Variants in DAB1 observed in about 807,000 individuals in gnomAD.
DAB1 encodes the protein DAB adaptor protein 1.
DAB1 carries 15 observed loss-of-function variants against 64.6 expected under a neutral mutation model. The observed-to-expected ratio is 0.23, with a 90% CI of 0.16 to 0.36. DAB1 has a LOEUF of 0.36. Ranked by LOEUF, DAB1 falls within the 10% of genes least tolerant of loss-of-function variation. The pLI is 1.00. For missense variants in DAB1, 596 were observed against 706.7 expected, an observed-to-expected ratio of 0.84 and a Z score of 1.78; for synonymous variants, 235 against 251.9, an observed-to-expected ratio of 0.93 and a Z score of 0.64.
At chr1:57,677,073 A>G (rs1481297349) in intron 6 of DAB1, among the ~76,000 whole-genome samples, 1 of 152,174 alleles carries the variant, frequency 6.6e-6, no homozygotes, top group African/African-American at 2.4e-5. Flanking sequence ...GGAGATAGGA[A>G]CAGTGTCCTT....
chr1:57,007,684 A>C (rs1222487421), intron 14 of DAB1, among the ~76,000 whole-genome samples: 1 of 152,176 alleles, frequency 6.6e-6, no homozygotes, highest in Non-Finnish European at 1.5e-5. Context: ...CTTACTCAGA[A>C]CTGTGCAGGT....
chr1:58,278,241 C>CTGAAAGAGAAGTTGATTTGT (rs1557721067), intron 4 of DAB1, among the ~76,000 whole-genome samples: 2 of 43,384 alleles, frequency 4.6e-5, no homozygotes, highest in Non-Finnish European at 1.1e-4. Context: ...CTCCTACACA[C>CTGAAAGAGAAGTTGATTTGT]GCATACTGTC....
chr1:57,859,336 C>A (rs1488734210), intron 1 of DAB1, among the ~76,000 whole-genome samples: 2 of 152,092 alleles, frequency 1.3e-5, no homozygotes, highest in Admixed American at 6.6e-5. Context: ...ATCCCTCTGA[C>A]TATATGTTAT....
At chr1:57,037,955 C>T (rs532838581) in intron 9 of DAB1, among the ~76,000 whole-genome samples, 76 of 152,324 alleles carry the variant, frequency 5.0e-4, no homozygotes, top group Admixed American at 1.5e-3. Context: ...TCAGTAGATA[C>T]ATGCACACTT....
At chr1:57,523,924 CAA>C (rs202023900) in intron 7 of DAB1, among the ~76,000 whole-genome samples, 1 of 140,668 alleles carries the variant, frequency 7.1e-6, no homozygotes, top group Non-Finnish European at 1.5e-5. Context: ...GACTCTGTCT[CAA>C]AAAAAAAGAA....
At chr1:57,545,313 ACTAT>A (rs1644844573) in intron 7 of DAB1, among the ~76,000 whole-genome samples, 1 of 152,016 alleles carries the variant, frequency 6.6e-6, no homozygotes, top group South Asian at 2.1e-4. Context: ...TCTCTACCAC[ACTAT>A]CTACCTCCCA....
At chr1:57,401,038 C>A (rs1461938306) in intron 1 of DAB1, among the ~76,000 whole-genome samples, 3 of 149,086 alleles carry the variant, frequency 2.0e-5, no homozygotes, top group Non-Finnish European at 4.4e-5. Flanking sequence ...CCAAAAAGGC[C>A]ATATTTTGAC....
At position 58,181,537 on chromosome 1, in the gene DAB1, A is replaced by AC. The variant is rs1365573558; in HGVS notation, n.310-30950_310-30949insG. Among the ~76,000 whole-genome samples the AC allele has an allele frequency of 2.6e-5, 4 of 152,120 alleles. No homozygotes were observed. In the East Asian group the frequency reaches 7.7e-4, roughly 29 times the overall value. On this transcript the variant is annotated intron_variant and non_coding_transcript_variant, in intron 4 of 20. Coordinates refer to the DAB1 transcript ENST00000485760. ...CCTCCTTAATTGCCTTCTTCTGTGT[A>AC]AGATAGATATTTTCTTCTGTACCAT...
chr1:57,830,982 C>T lies in DAB1; in HGVS notation n.88-4527G>A, dbSNP rs544838524. ...AGGCTGGAGTGCAGTGGTGCAATCT[C>T]GGCTCACTGCAAGCTCCGCCTCCTG... On this transcript the variant is annotated intron_variant and non_coding_transcript_variant, in intron 1 of 1. Coordinates refer to the DAB1 transcript ENST00000477280. 7.2e-5 allele frequency among the ~76,000 whole-genome samples: 11 copies of T among 152,044 alleles called. No homozygotes were observed. In the South Asian group the frequency reaches 1.7e-3, roughly 23 times the overall value.
chr1:58,359,791 A>T (rs368201182), intron 3 of DAB1, among the ~76,000 whole-genome samples: 61 of 152,110 alleles, frequency 4.0e-4, no homozygotes, highest in African/African-American at 1.4e-3. Flanking sequence ...CTGGAAGATG[A>T]TGATGATAAC....
chr1:57,816,056 T>C (rs1443994575), intron 6 of DAB1, among the ~76,000 whole-genome samples: 1 of 152,226 alleles, frequency 6.6e-6, no homozygotes, highest in Non-Finnish European at 1.5e-5. Context: ...CTCTGCTGTG[T>C]GCCAACGTTT....
At chr1:58,112,687 A>C (rs928895491) in intron 5 of DAB1, among the ~76,000 whole-genome samples, 1 of 152,362 alleles carries the variant, frequency 6.6e-6, no homozygotes, top group East Asian at 1.9e-4. Context: ...CTCAGCACAT[A>C]GTAGGCACTC....
intron 5 of DAB1, among the ~76,000 whole-genome samples, chr1:58,087,513 T>TA (rs1252468409): frequency 1.3e-5 from 2 of 152,120 alleles, no homozygotes; most frequent in Non-Finnish European, 2.9e-5. Context: ...CTTGATCTGA[T>TA]ATAGGGACTC....
intron 3 of DAB1, among the ~76,000 whole-genome samples, chr1:58,469,316 G>A (rs865971806): frequency 9.2e-5 from 14 of 152,002 alleles, no homozygotes; most frequent in Middle Eastern, 3.4e-3. Context: ...GAAAAATGAG[G>A]ATAACCAGAC....
intron 6 of DAB1, among the ~76,000 whole-genome samples, chr1:57,717,564 G>A (rs924520645): frequency 6.6e-6 from 1 of 152,226 alleles, no homozygotes; most frequent in Non-Finnish European, 1.5e-5. Flanking sequence ...AGTTCCACTA[G>A]TAGGCATATA....
intron 7 of DAB1, among the ~76,000 whole-genome samples, chr1:57,450,170 A>G (rs902098855): frequency 1.3e-5 from 2 of 152,214 alleles, no homozygotes; most frequent in Non-Finnish European, 2.9e-5. Flanking sequence ...TAGTGATTGA[A>G]ATGTAAAAGA....
chr1:58,204,433 C>T (rs1312520635), intron 4 of DAB1, among the ~76,000 whole-genome samples: 1 of 152,096 alleles, frequency 6.6e-6, no homozygotes, highest in Non-Finnish European at 1.5e-5. Flanking sequence ...TGTGTTATGG[C>T]ACAAAAATTT....
rs144727413 is a variant in DAB1 at position 57,015,055 on chromosome 1, C to A, written c.1272G>T (p.Pro424=). 20 of 1,613,964 alleles carry A rather than the reference C, an allele frequency of 1.2e-5. No individual in the cohort carries two copies. The highest frequency in any genetic ancestry group is 1.4e-5 in the Non-Finnish European group (17 of 1,180,014). The change falls in exon 12 of 15, where the codon CCG becomes CCT. Residue 424 remains proline, a synonymous_variant. Transcript: ENST00000371236. ...GGTCGGGTTTGCGGGAGGGCACGGGCGGAGGCTGGGCCATCTGGAAATCCT... is the reference window on the plus strand; with the variant it reads ...GGTCGGGTTTGCGGGAGGGCACGGGAGGAGGCTGGGCCATCTGGAAATCCT... The part of the protein sequence containing the change: ...TFKDFQMAQP[P]PVPSRKPDQP...
At chr1:57,711,263 G>A (rs1465531370) in intron 6 of DAB1, among the ~76,000 whole-genome samples, 2 of 152,230 alleles carry the variant, frequency 1.3e-5, no homozygotes, top group Non-Finnish European at 2.9e-5. Flanking sequence ...GCCTAGAAAT[G>A]AGCAAAGACA....
Sources: allele counts gnomAD v4.1 joint callset (sites outside exome capture counted in the v4.1 genomes callset), GRCh38; gene constraint gnomAD v4.1.1; transcripts MANE v1.5; gene names NCBI Gene and HGNC (gene_info 2026-07-23, HGNC 2026-07-21).